The following CUX1 variants were observed in gnomAD, a reference collection of about 807,000 sequenced individuals.
CUX1 encodes cut like homeobox 1, also known as protein CASP.
A neutral mutation model predicts 158.8 loss-of-function variants in CUX1; 31 were observed. The ratio of observed to expected loss-of-function variants is 0.20; its 90% CI spans 0.15 to 0.26. The LOEUF (loss-of-function observed/expected upper bound fraction) is 0.26. Ranked by LOEUF, CUX1 falls within the 10% of genes least tolerant of loss-of-function variation. The pLI is 1.00. For missense variants in CUX1, 1,589 were observed against 2,014.6 expected (o/e 0.79, Z 4.04); for synonymous variants, 879 against 862.1 (o/e 1.02, Z -0.34).
chr7:101,965,334 G>A (rs919669789), intron 2 of CUX1, among the ~76,000 whole-genome samples: 282 of 152,190 alleles, frequency 1.9e-3, no homozygotes, highest in Non-Finnish European at 3.2e-3. Flanking sequence ...TATCACAGAC[G>A]AAACTCACAA....
At chr7:102,017,262 G>A (rs1398870280) in intron 2 of CUX1, among the ~76,000 whole-genome samples, 5 of 147,136 alleles carry the variant, frequency 3.4e-5, no homozygotes, top group African/African-American at 1.0e-4. Flanking sequence ...CTGCACTCCG[G>A]CCTGGGGGAC....
At chr7:102,203,686 C>T (rs926388589) in intron 18 of CUX1, among the ~76,000 whole-genome samples, 6 of 152,158 alleles carry the variant, frequency 3.9e-5, no homozygotes, top group Non-Finnish European at 5.9e-5. Flanking sequence ...AAAGAGTGAT[C>T]GGATGCAGCC....
rs1175975607 is a variant in CUX1 at position 102,248,184 on chromosome 7, G to A, written c.3888-228G>A. On this transcript the variant is annotated intron_variant, in intron 23 of 23. Coordinates refer to ENST00000292535, the MANE Select transcript of CUX1 (RefSeq NM_181552.4). The surrounding 1 kb of genome is among the most constrained non-coding windows in gnomAD (Gnocchi z 5.8). Reference sequence around the variant, plus strand: ...CGGCAATTTGTTGCAGTGGAGAATAGGGGAGTGGTGTCCCAGCCCTGGGAT... The same window carrying A: ...CGGCAATTTGTTGCAGTGGAGAATAAGGGAGTGGTGTCCCAGCCCTGGGAT... Among the ~76,000 whole-genome samples the A allele has an allele frequency of 6.6e-6, 1 of 152,148 alleles. No individual in the cohort carries two copies. The highest frequency in any genetic ancestry group is 2.4e-5 in the African/African-American group (1 of 41,432).
rs188186890 is a variant in CUX1, at chr7:102,074,154, G to A, written c.268+3737G>A. Among the ~76,000 whole-genome samples the A allele has an allele frequency of 2.0e-5, 3 of 152,332 alleles. No homozygotes were observed. In the East Asian group the frequency reaches 5.8e-4, roughly 29 times the overall value. On this transcript the variant is annotated intron_variant, in intron 4 of 23. Transcript: ENST00000292535. ...ACTGACAGTCACTCAGTCGAGGGGA[G>A]TCGGGGTGCCTTAACTGTCTGCATA... is the stretch of plus-strand genomic sequence containing the variant.
intron 5 of CUX1, among the ~76,000 whole-genome samples, chr7:102,099,654 T>A (rs1829581772): frequency 6.6e-6 from 1 of 152,050 alleles, no homozygotes; most frequent in Non-Finnish European, 1.5e-5. Context: ...CTTGACCTCC[T>A]GGACTCAAGT....
rs1305374736 is a variant in CUX1 at position 101,916,214 on chromosome 7, A to T, written c.130A>T (p.Asn44Tyr). The T allele has an allele frequency of 6.2e-7, 1 of 1,609,548 alleles. No individual in the cohort carries two copies. The highest frequency in any genetic ancestry group is 8.5e-7 in the Non-Finnish European group (1 of 1,176,060). The change falls in exon 2 of 24, where the codon AAC (asparagine) becomes TAC (tyrosine). Residue 44 changes from asparagine to tyrosine, a missense_variant. Asn to Tyr is a moderately radical substitution (Grantham distance 143). This residue lies in a region of CUX1 where 63 missense variants were observed against 109.2 expected (regional missense o/e 0.58). Transcript: ENST00000292535. The surrounding 1 kb of genome is among the most constrained non-coding windows in gnomAD (Gnocchi z 4.4). ...LIEQSREFKK[N>Y]TPEDLRKQVA... ...CGAACAGAGCCGGGAGTTCAAGAAGAACACTCCAGAGGTGAGGCGCGTGAC... is the reference window on the plus strand; with the variant it reads ...CGAACAGAGCCGGGAGTTCAAGAAGTACACTCCAGAGGTGAGGCGCGTGAC...
At position 102,257,896 on chromosome 7, in the gene CUX1, G is replaced by A. The variant is rs373554210; in HGVS notation, c.*8854G>A. 3.5e-5 allele frequency: 34 copies of A among 971,318 alleles called. 1 individual carries two copies. The highest frequency in any genetic ancestry group is 2.9e-4 in the South Asian group (6 of 21,024). 60.2% of individuals were successfully genotyped at this position (971,318 alleles called of 1,614,324 possible). A position where few individuals can be genotyped will look rare whatever the true frequency, so the allele number is the denominator to read the frequency against. ...AAGAAAAAAGGAAAAAAAAAAAGTCGTCTTTTTTTTTTTTTTTTGTACAAA... is the reference window on the plus strand; with the variant it reads ...AAGAAAAAAGGAAAAAAAAAAAGTCATCTTTTTTTTTTTTTTTTGTACAAA... On this transcript the variant is annotated 3_prime_UTR_variant, in exon 24 of 24. Transcript: ENST00000292535.
At chr7:102,211,013 C>G (rs1796454920) in intron 20 of CUX1, among the ~76,000 whole-genome samples, 1 of 152,204 alleles carries the variant, frequency 6.6e-6, no homozygotes, top group African/African-American at 2.4e-5. Context: ...CAGTAAGATT[C>G]TAAAGCAGTG....
At chr7:102,118,689 C>T (rs1459478118) in intron 8 of CUX1, among the ~76,000 whole-genome samples, 5 of 152,210 alleles carry the variant, frequency 3.3e-5, no homozygotes, top group Non-Finnish European at 7.3e-5. Flanking sequence ...GTCCACCTCC[C>T]TTTCTGACCT....
chr7:102,263,469 ATG>A, intron 14 of CUX1, among the ~76,000 whole-genome samples: 3 of 151,700 alleles, frequency 2.0e-5, no homozygotes, highest in Admixed American at 2.0e-4. Flanking sequence ...GCACACTGCC[ATG>A]CCCAGCTAAT....
At chr7:102,235,898 A>C (rs1272579046) in intron 22 of CUX1, among the ~76,000 whole-genome samples, 1 of 151,498 alleles carries the variant, frequency 6.6e-6, no homozygotes, top group African/African-American at 2.4e-5. Context: ...TTCTCACCCA[A>C]CCCGGGAAAG....
At chr7:101,868,845 G>A (rs986549296) in intron 1 of CUX1, among the ~76,000 whole-genome samples, 1 of 152,216 alleles carries the variant, frequency 6.6e-6, no homozygotes, top group African/African-American at 2.4e-5. Context: ...GGGAGCAGTG[G>A]CTTGGGAAGG....
At position 102,251,000 on chromosome 7, in the gene CUX1, T is replaced by C; in HGVS notation, c.*1958T>C. 1 of 963,732 alleles carries C rather than the reference T, an allele frequency of 1.0e-6. No homozygotes were observed. 59.7% of individuals were successfully genotyped at this position (963,732 alleles called of 1,614,324 possible). On this transcript the variant is annotated 3_prime_UTR_variant, in exon 24 of 24. Transcript: ENST00000292535. Reference sequence around the variant, plus strand: ...TTTTTTTTTGCTTATTTATAGGTGCTGTATTTTATTATCTGATTGTTAGGA... The same window carrying C: ...TTTTTTTTTGCTTATTTATAGGTGCCGTATTTTATTATCTGATTGTTAGGA...
intron 1 of CUX1, among the ~76,000 whole-genome samples, chr7:101,887,519 G>A (rs1204748747): frequency 3.3e-5 from 5 of 152,038 alleles, no homozygotes; most frequent in Non-Finnish European, 2.9e-5. Flanking sequence ...ATGTTGCCCA[G>A]GCTGGTCTTG....
At chr7:102,221,040 C>G (rs1474385519) in intron 20 of CUX1, among the ~76,000 whole-genome samples, 1 of 152,082 alleles carries the variant, frequency 6.6e-6, no homozygotes, top group African/African-American at 2.4e-5. Context: ...ATGTGCCAGG[C>G]CACGACCACC....
At position 102,158,607 on chromosome 7, in the gene CUX1, A is replaced by AGGTAGGACCCT. The variant is rs1790056468; in HGVS notation, c.723+2_723+12dup. 1 of 1,614,020 alleles carries AGGTAGGACCCT rather than the reference A, an allele frequency of 6.2e-7. No homozygotes were observed. The highest frequency in any genetic ancestry group is 1.3e-5 in the African/African-American group (1 of 75,010). ...ATGACGGACCTTGAAAGGGCAAACC[A>AGGTAGGACCCT]GGTAGGACCCTGGACGCTTTTAGTC... On this transcript the variant is annotated frameshift_variant and splice_region_variant, in exon 9 of 24. Transcript: ENST00000292535. LOFTEE classifies it high-confidence loss of function.
chr7:102,088,832 T>TAGGGAA (rs1438859624), intron 4 of CUX1, among the ~76,000 whole-genome samples: 23 of 152,320 alleles, frequency 1.5e-4, no homozygotes, highest in African/African-American at 5.5e-4. Flanking sequence ...GAAACTCTCT[T>TAGGGAA]ACGCTTACTG....
intron 2 of CUX1, among the ~76,000 whole-genome samples, chr7:102,008,101 T>C (rs1817589277): frequency 6.6e-6 from 1 of 152,170 alleles, no homozygotes; most frequent in Non-Finnish European, 1.5e-5. Flanking sequence ...CTTTCCCCTC[T>C]GGCCTGTCCT....
chr7:102,192,456 T>C (rs1462560880), intron 12 of CUX1, among the ~76,000 whole-genome samples: 1 of 152,156 alleles, frequency 6.6e-6, no homozygotes, highest in Non-Finnish European at 1.5e-5. Flanking sequence ...ATCTGTAGAA[T>C]AGATAAAGAG....
Sources: gnomAD v4.1 joint callset for allele counts (sites outside exome capture counted in the v4.1 genomes callset) on GRCh38, gnomAD v4.1.1 for gene constraint, gnomAD v4.1.1 regional missense constraint, Gnocchi (gnomAD v3.1) non-coding constraint, MANE v1.5 for transcripts, NCBI Gene and HGNC (gene_info 2026-07-23, HGNC 2026-07-21) for gene names.